PKP4: variants seen among roughly 807,000 people sequenced by gnomAD.
PKP4 encodes plakophilin 4.
PKP4 carries 90 observed loss-of-function variants against 145.1 expected under a neutral mutation model. The ratio of observed to expected loss-of-function variants is 0.62; its 90% CI spans 0.52 to 0.74. The LOEUF (loss-of-function observed/expected upper bound fraction) is 0.74. Ranked by LOEUF, PKP4 falls within the 30% of genes least tolerant of loss-of-function variation. The pLI, the probability that PKP4 is intolerant of heterozygous loss-of-function variation, is 0.00. For synonymous variants in PKP4, 563 were observed against 577.2 expected (o/e 0.98, Z 0.35); for missense variants, 1,340 against 1,482.7 (o/e 0.90, Z 1.58).
intron 1 of PKP4, among the ~76,000 whole-genome samples, chr2:158,531,153 A>T (rs757126939): frequency 1.3e-5 from 2 of 152,186 alleles, no homozygotes; most frequent in Non-Finnish European, 2.9e-5. Flanking sequence ...ACAGTGATGT[A>T]ATACAATTAC....
chr2:158,468,455 A>G (rs1050698056), intron 1 of PKP4, among the ~76,000 whole-genome samples: 1 of 152,150 alleles, frequency 6.6e-6, no homozygotes, highest in Non-Finnish European at 1.5e-5. Context: ...TGGTTTTGTT[A>G]TATTTTTTTC....
intron 16 of PKP4, 77 bp downstream of exon 16, chr2:158,666,640 A>G: frequency 5.7e-6 from 7 of 1,222,678 alleles, no homozygotes; most frequent in Non-Finnish European, 7.9e-6. Flanking sequence ...TTGATTAATA[A>G]ATATATGGCT....
chr2:158,465,443 ATAAT>A lies in PKP4; in HGVS notation c.-6+8230_-6+8233del, dbSNP rs370679528. ...CACTTTACCATATAGCCTATGTGAA[ATAAT>A]TAATCATAATGACAATACATGATTT... On this transcript the variant is annotated intron_variant, in intron 1 of 21. Coordinates refer to ENST00000389759, the MANE Select transcript of PKP4 (RefSeq NM_003628.6). 1.2e-4 allele frequency among the ~76,000 whole-genome samples: 18 copies of A among 152,340 alleles called. No individual in the cohort carries two copies. The South Asian group carries it at 2.9e-3, about 25-fold the overall frequency.
intron 6 of PKP4, 123 bp downstream of exon 6, chr2:158,621,544 A>G: frequency 2.8e-6 from 2 of 705,802 alleles, no homozygotes; most frequent in Non-Finnish European, 4.7e-6. Context: ...TCAGGAGTTC[A>G]AGACCAGCCT....
intron 2 of PKP4, among the ~76,000 whole-genome samples, chr2:158,560,391 AT>A (rs2046416341): frequency 6.6e-6 from 1 of 152,172 alleles, no homozygotes; most frequent in Admixed American, 6.5e-5. Flanking sequence ...TAAAAAAAAA[AT>A]GGATCTTCTG....
intron 1 of PKP4, among the ~76,000 whole-genome samples, chr2:158,501,244 C>T (rs1047498915): frequency 2.0e-5 from 3 of 152,182 alleles, no homozygotes; most frequent in African/African-American, 7.2e-5. Context: ...CTAATATTAC[C>T]AATGGTAACC....
intron 1 of PKP4, among the ~76,000 whole-genome samples, chr2:158,477,821 A>T (rs981184603): frequency 3.3e-5 from 5 of 152,206 alleles, no homozygotes; most frequent in African/African-American, 1.2e-4. Flanking sequence ...TAGCTACTGC[A>T]CTGCAGCCTG....
In PKP4 at chr2:158,597,782, G is replaced by T. The variant is rs147608586; in HGVS notation, c.246-5288G>T. On this transcript the variant is annotated intron_variant, in intron 3 of 21. Coordinates refer to ENST00000389759, the MANE Select transcript of PKP4 (RefSeq NM_003628.6). ...TATATTCATATATAAATATACATGTGTGTGTAAAATTTCTTGACACAATTA... is the reference window on the plus strand; with the variant it reads ...TATATTCATATATAAATATACATGTTTGTGTAAAATTTCTTGACACAATTA... Among the ~76,000 whole-genome samples, 114 of 152,212 alleles carry T rather than the reference G, an allele frequency of 7.5e-4. 1 individual carries two copies. The East Asian group carries it at 0.019, about 26-fold the overall frequency.
chr2:158,607,697 A>T (rs2050769660), intron 4 of PKP4, among the ~76,000 whole-genome samples: 1 of 152,138 alleles, frequency 6.6e-6, no homozygotes, highest in Non-Finnish European at 1.5e-5. Context: ...TTTTTCTCCT[A>T]ACCCTCACCA....
chr2:158,471,348 G>A (rs144181223), intron 1 of PKP4, among the ~76,000 whole-genome samples: 1 of 152,112 alleles, frequency 6.6e-6, no homozygotes, highest in African/African-American at 2.4e-5. Context: ...GTTTAAAATG[G>A]GGGAAAAACC....
chr2:158,678,037 C>T (rs1367242849), intron 20 of PKP4, among the ~76,000 whole-genome samples: 1 of 144,500 alleles, frequency 6.9e-6, no homozygotes, highest in East Asian at 2.0e-4. Flanking sequence ...TTACCAAGTT[C>T]CTTTTGTATT....
chr2:158,497,849 C>T (rs1375537030), intron 1 of PKP4, among the ~76,000 whole-genome samples: 1 of 152,184 alleles, frequency 6.6e-6, no homozygotes, highest in African/African-American at 2.4e-5. Flanking sequence ...TTTCAAATAT[C>T]ATTGTAACTT....
intron 19 of PKP4, 128 bp from the exon 20 acceptor site, chr2:158,676,611 T>C: frequency 8.8e-7 from 1 of 1,137,422 alleles, no homozygotes; most frequent in Non-Finnish European, 1.3e-6. Flanking sequence ...CTCTGAGATA[T>C]TTTCAGCACC....
Position 158,621,350 on chromosome 2 carries a change from C to G in PKP4, c.532C>G (p.His178Asp). 1 of 1,614,070 alleles carries G rather than the reference C, an allele frequency of 6.2e-7. No individual in the cohort carries two copies. Among genetic ancestry groups the G allele is most frequent in the Non-Finnish European group, 8.5e-7 (1 of 1,179,940 alleles). ...NVSKADNRQQ[H>D]SFIGSTNNHV... ...GAGCAAGGCAGACAACAGACAGCAG[C>G]ATTCATTCATAGGATCAACTAACAA... Residue 178 changes from histidine to aspartate, a missense_variant, in exon 6 of 22, where the codon CAT becomes GAT. His to Asp is a moderately conservative substitution (Grantham distance 81). Coordinates refer to ENST00000389759, the MANE Select transcript of PKP4 (RefSeq NM_003628.6).
chr2:158,641,583 C>A (rs1256792797), intron 10 of PKP4, among the ~76,000 whole-genome samples: 1 of 152,100 alleles, frequency 6.6e-6, no homozygotes, highest in Non-Finnish European at 1.5e-5. Flanking sequence ...ACGTTTCAAG[C>A]CTTCTTCTGA....
At chr2:158,535,454 G>GGA (rs2043950267) in intron 2 of PKP4, among the ~76,000 whole-genome samples, 1 of 152,140 alleles carries the variant, frequency 6.6e-6, no homozygotes, top group Non-Finnish European at 1.5e-5. Context: ...CTGTTGCCCA[G>GGA]GATGGAGTAC....
intron 3 of PKP4, among the ~76,000 whole-genome samples, chr2:158,598,007 G>A (rs1443575819): frequency 6.6e-6 from 1 of 151,314 alleles, no homozygotes; most frequent in African/African-American, 2.4e-5. Flanking sequence ...AAACTTTTTT[G>A]TAGAGATAGG....
intron 3 of PKP4, among the ~76,000 whole-genome samples, chr2:158,577,875 C>G (rs947405007): frequency 2.6e-5 from 4 of 152,102 alleles, no homozygotes. Context: ...ACAGTAAATA[C>G]TAAATGAGTG....
chr2:158,630,692 A>G (rs568899822), intron 7 of PKP4, among the ~76,000 whole-genome samples: 1 of 152,322 alleles, frequency 6.6e-6, no homozygotes, highest in East Asian at 1.9e-4. Flanking sequence ...CCCAGAGAGA[A>G]GCTGATTGTC....
Sources: gnomAD v4.1 joint callset for allele counts (sites outside exome capture counted in the v4.1 genomes callset) on GRCh38, gnomAD v4.1.1 for gene constraint, MANE v1.5 for transcripts, NCBI Gene and HGNC (gene_info 2026-07-23, HGNC 2026-07-21) for gene names.